Variants in PROX1 observed in about 807,000 individuals in gnomAD.
PROX1 encodes the protein prospero homeobox 1.
Under a neutral mutation model 58.8 loss-of-function variants are expected in PROX1, and 7 were observed. The ratio of observed to expected loss-of-function variants is 0.12; its 90% CI spans 0.07 to 0.22. The LOEUF is 0.22. Ranked by LOEUF, PROX1 falls within the 10% of genes least tolerant of loss-of-function variation. PROX1 has a pLI of 1.00. For missense variants in PROX1, 675 were observed against 927.8 expected, an observed-to-expected ratio of 0.73 and a Z score of 3.54; for synonymous variants, 350 against 358.3, an observed-to-expected ratio of 0.98 and a Z score of 0.26.
chr1:214,032,286 A>ATTTCTTCATCTCATACAATCTCATGC (rs1664683116), intron 4 of PROX1, among the ~76,000 whole-genome samples: 1 of 152,076 alleles, frequency 6.6e-6, no homozygotes, highest in Non-Finnish European at 1.5e-5. Flanking sequence ...TCATCTCATC[A>ATTTCTTCATCTCATACAATCTCATGC]TTTCTTCATC....
intron 4 of PROX1, among the ~76,000 whole-genome samples, chr1:214,033,515 A>G (rs1008619569): frequency 6.6e-6 from 1 of 152,140 alleles, no homozygotes; most frequent in African/African-American, 2.4e-5. Context: ...GGAGAGTCTC[A>G]TGAACCCAGG....
intron 4 of PROX1, among the ~76,000 whole-genome samples, chr1:214,027,446 A>G (rs779975358): frequency 1.4e-4 from 21 of 152,192 alleles, no homozygotes; most frequent in Non-Finnish European, 2.1e-4. Flanking sequence ...GTCTCTCAAG[A>G]CAATTTAACC....
intron 4 of PROX1, among the ~76,000 whole-genome samples, chr1:214,016,374 G>A (rs1664095529): frequency 6.6e-6 from 1 of 152,182 alleles, no homozygotes; most frequent in Non-Finnish European, 1.5e-5. Context: ...AGAAAAATGA[G>A]GACAGGTGGA....
chr1:213,994,273 T>C (rs1663145410), intron 1 of PROX1, among the ~76,000 whole-genome samples: 1 of 152,140 alleles, frequency 6.6e-6, no homozygotes. Context: ...CTGCAAAAAG[T>C]TTGTTTGACA....
At chr1:214,035,502 A>T in intron 4 of PROX1, 147 bp from the exon 5 acceptor site, 1 of 705,294 alleles carries the variant, frequency 1.4e-6, no homozygotes, top group Non-Finnish European at 2.2e-6. Flanking sequence ...ACTTTACATT[A>T]AAAGAATAGA....
chr1:213,997,930 C>T lies in PROX1; in HGVS notation c.1395C>T (p.His465=). The T allele has an allele frequency of 1.9e-6, 3 of 1,613,760 alleles. No individual in the cohort carries two copies. The highest frequency in any genetic ancestry group is 2.5e-6 in the Non-Finnish European group (3 of 1,179,810). Residue 465 remains histidine, a synonymous_variant, in exon 2 of 5, where the codon CAC becomes CAT. Transcript: ENST00000366958. The surrounding 1 kb of genome is among the most constrained non-coding windows in gnomAD (Gnocchi z 7.1). ...PAAGGHHQPL[H]QSPLSATTGF... ...CTGGCGGCCACCACCAGCCCCTGCACCAGTCGCCTCTCTCTGCCACCACGG... is the reference window on the plus strand; with the variant it reads ...CTGGCGGCCACCACCAGCCCCTGCATCAGTCGCCTCTCTCTGCCACCACGG...
intron 1 of PROX1, among the ~76,000 whole-genome samples, chr1:213,995,348 T>C (rs1307786951): frequency 2.0e-5 from 3 of 152,220 alleles, no homozygotes; most frequent in Non-Finnish European, 4.4e-5. Flanking sequence ...TCTCTTTTTA[T>C]ACTGTGTTTC....
chr1:214,014,925 T>A (rs1321410418), intron 4 of PROX1, among the ~76,000 whole-genome samples: 1 of 152,178 alleles, frequency 6.6e-6, no homozygotes, highest in Non-Finnish European at 1.5e-5. Context: ...TGCTGACCCC[T>A]GGCCTACAGG....
chr1:214,025,496 G>C (rs1571838282), intron 4 of PROX1, among the ~76,000 whole-genome samples: 1 of 152,120 alleles, frequency 6.6e-6, no homozygotes, highest in Non-Finnish European at 1.5e-5. Context: ...AAAAAATAAG[G>C]AGAATATCCA....
At chr1:214,020,653 T>C (rs1476145525) in intron 4 of PROX1, among the ~76,000 whole-genome samples, 1 of 152,256 alleles carries the variant, frequency 6.6e-6, no homozygotes, top group Non-Finnish European at 1.5e-5. Context: ...AATTTTCCCT[T>C]AAATTTGAAT....
In PROX1 at chr1:214,006,436, T is replaced by C. The variant is rs141441540; in HGVS notation, c.1833+1164T>C. Among the ~76,000 whole-genome samples the C allele has an allele frequency of 6.4e-3, 979 of 152,370 alleles. 8 individuals are homozygous for C. The highest frequency in any genetic ancestry group is 0.011 in the Non-Finnish European group (725 of 68,038). On this transcript the variant is annotated intron_variant, in intron 3 of 4. Transcript: ENST00000366958. ...CCTTTTATCTTTCTCCTTCCCTGGC[T>C]GTGCTCCTTAAGTGGAAGGCTTGTT...
intron 2 of PROX1, among the ~76,000 whole-genome samples, chr1:214,002,958 T>G (rs1288435890): frequency 6.6e-6 from 1 of 152,240 alleles, no homozygotes; most frequent in Non-Finnish European, 1.5e-5. Context: ...ATTAATTCTG[T>G]GTTCCATTTC....
chr1:214,003,962 T>TGTTGTG (rs1553289680), intron 2 of PROX1, among the ~76,000 whole-genome samples: 2 of 113,412 alleles, frequency 1.8e-5, no homozygotes, highest in Admixed American at 1.8e-4. Flanking sequence ...TGTTGGGTAG[T>TGTTGTG]TGTGTGAGTG....
Position 213,988,180 on chromosome 1 carries a change from CTCT to C in PROX1, c.-366_-364del. On this transcript the variant is annotated 5_prime_UTR_variant, in exon 1 of 5. Transcript: ENST00000366958. ...CTGCTCTCTCCTCTTCCCTTAGCTC[CTCT>C]TCTTTTCTTCTCCTCTTCTTCCCTC... 6.6e-6 allele frequency: 1 copy of C among 152,482 alleles called. No individual in the cohort carries two copies. Among genetic ancestry groups the C allele is most frequent in the Non-Finnish European group, 1.5e-5 (1 of 68,632 alleles). The allele number at this position is 152,482 out of a possible 1,614,324, so 9.4% of individuals were successfully genotyped here. A position where few individuals can be genotyped will look rare whatever the true frequency, so the allele number is the denominator to read the frequency against.
chr1:214,012,941 G>A (rs4655482), intron 4 of PROX1, among the ~76,000 whole-genome samples: 9,556 of 151,794 alleles, frequency 0.063, 536 homozygotes, highest in Admixed American at 0.15. Context: ...CCTTTTTTTC[G>A]GCTCTTGTCC....
intron 4 of PROX1, among the ~76,000 whole-genome samples, chr1:214,033,690 G>A (rs889850676): frequency 5.9e-5 from 9 of 152,310 alleles, no homozygotes; most frequent in Non-Finnish European, 1.0e-4. Context: ...CAGTTGCTCC[G>A]CTTCACTGTT....
intron 1 of PROX1, among the ~76,000 whole-genome samples, chr1:213,989,489 G>T (rs1273853264): frequency 1.3e-5 from 2 of 152,046 alleles, no homozygotes; most frequent in Non-Finnish European, 2.9e-5. Flanking sequence ...CTTCGGTCTG[G>T]TCTCGTCTGG....
At chr1:213,993,296 T>C (rs1438800061) in intron 1 of PROX1, among the ~76,000 whole-genome samples, 1 of 152,204 alleles carries the variant, frequency 6.6e-6, no homozygotes, top group Non-Finnish European at 1.5e-5. Context: ...CCAGTGTTGA[T>C]CAAAAGCTTC....
chr1:213,987,274 GCACCTATTATTT>G (rs1662846986), upstream of PROX1, among the ~76,000 whole-genome samples: 1 of 152,004 alleles, frequency 6.6e-6, no homozygotes, highest in Non-Finnish European at 1.5e-5. Context: ...GAAACCTCTG[GCACCTATTATTT>G]TAATACCAAA....
Sources: gnomAD v4.1 joint callset for allele counts (sites outside exome capture counted in the v4.1 genomes callset) on GRCh38, gnomAD v4.1.1 for gene constraint, Gnocchi (gnomAD v3.1) non-coding constraint, MANE v1.5 for transcripts, NCBI Gene and HGNC (gene_info 2026-07-23, HGNC 2026-07-21) for gene names.